CACNA1C: variants seen among roughly 807,000 people sequenced by gnomAD.
CACNA1C encodes the protein calcium voltage-gated channel subunit alpha1 C, also known as voltage-dependent L-type calcium channel subunit alpha-1C.
Under a neutral mutation model 229.0 loss-of-function variants are expected in CACNA1C, and 30 were observed. That is an observed-to-expected ratio of 0.13 (90% CI 0.10 to 0.18). CACNA1C has a LOEUF of 0.18. Among genes scored for constraint, CACNA1C ranks in the 10% least tolerant of loss-of-function variants. The probability of loss-of-function intolerance (pLI) is 1.00; values close to 1 mark genes in which losing one functional copy is unlikely to be tolerated. For missense variants in CACNA1C, 1,658 were observed against 2,845.0 expected, an observed-to-expected ratio of 0.58 and a Z score of 9.49; for synonymous variants, 1,114 against 1,132.5, an observed-to-expected ratio of 0.98 and a Z score of 0.33.
At chr12:2,111,363 C>T (rs929040408) in intron 1 of CACNA1C, among the ~76,000 whole-genome samples, 15 of 152,144 alleles carry the variant, frequency 9.9e-5, no homozygotes, top group African/African-American at 2.4e-4. Context: ...CCTCGTGCTC[C>T]GGGTGCAGGG....
chr12:2,352,803 C>T (rs932048637), intron 3 of CACNA1C, among the ~76,000 whole-genome samples: 1 of 152,170 alleles, frequency 6.6e-6, no homozygotes, highest in African/African-American at 2.4e-5. Context: ...CCTGACCTAC[C>T]TCTTTGTTGT....
rs768799068 is a variant in CACNA1C at position 2,677,171 on chromosome 12, G to T, written c.4906G>T (p.Glu1636Ter). ...CTTCCGGAAGTTCAAGAAGCGCAAA[G>T]AGCAGGGCCTTGTGGGCAAGCCCTC... ...EYFRKFKKRK[E>*]QGLVGKPSQR... is the part of the protein sequence containing the mutation. Residue 1636 changes from glutamate (E) to a stop codon, truncating the protein, a stop_gained, in exon 40 of 47, where the codon GAG becomes TAG. Coordinates refer to ENST00000399655, the MANE Select transcript of CACNA1C (RefSeq NM_000719.7). LOFTEE classifies it high-confidence loss of function. The surrounding 1 kb of genome is among the most constrained non-coding windows in gnomAD (Gnocchi z 7.4). 1 of 1,613,892 alleles carries T rather than the reference G, an allele frequency of 6.2e-7. No homozygotes were observed. The highest frequency in any genetic ancestry group is 1.1e-5 in the South Asian group (1 of 91,004).
chr12:2,450,553 C>CA (rs796416420), intron 4 of CACNA1C, among the ~76,000 whole-genome samples: 18,266 of 38,858 alleles, frequency 0.47, 6,377 homozygotes, highest in East Asian at 0.67. Context: ...GACTCCATCT[C>CA]AAAAAAAAAA....
At chr12:2,065,107 A>G (rs1198887993) in intron 1 of CACNA1C, among the ~76,000 whole-genome samples, 5 of 152,186 alleles carry the variant, frequency 3.3e-5, no homozygotes, top group Non-Finnish European at 7.3e-5. Context: ...CAGAGCTGGA[A>G]TGTTGCACAG....
intron 4 of CACNA1C, among the ~76,000 whole-genome samples, chr12:2,454,925 A>G (rs2099407625): frequency 6.6e-6 from 1 of 152,110 alleles, no homozygotes; most frequent in African/African-American, 2.4e-5. Flanking sequence ...GCGCCTTCTC[A>G]CTGAACCACG....
At chr12:2,606,372 G>A (rs1289161880) in intron 24 of CACNA1C, among the ~76,000 whole-genome samples, 1 of 151,950 alleles carries the variant, frequency 6.6e-6, no homozygotes, top group Non-Finnish European at 1.5e-5. Context: ...GACCTCCCCG[G>A]AGAGTACAGC....
At chr12:2,507,660 G>A (rs2099774724) in intron 8 of CACNA1C, among the ~76,000 whole-genome samples, 1 of 152,226 alleles carries the variant, frequency 6.6e-6, no homozygotes, top group Non-Finnish European at 1.5e-5. Flanking sequence ...TGCTCGGCGT[G>A]TTCGCTAGAT....
At chr12:2,607,229 C>T in intron 26 of CACNA1C, 99 bp downstream of exon 26, 1 of 1,278,464 alleles carries the variant, frequency 7.8e-7, no homozygotes, top group Non-Finnish European at 1.1e-6. Flanking sequence ...CGCACTCCCT[C>T]TGGAGGTCAT....
At chr12:2,461,871 A>G (rs2099506771) in intron 5 of CACNA1C, among the ~76,000 whole-genome samples, 1 of 152,162 alleles carries the variant, frequency 6.6e-6, no homozygotes, top group Non-Finnish European at 1.5e-5. Context: ...TGATGGCGAC[A>G]GCCTCCTGCA....
intron 13 of CACNA1C, among the ~76,000 whole-genome samples, chr12:2,570,625 G>GA (rs2053844705): frequency 6.6e-6 from 1 of 152,102 alleles, no homozygotes; most frequent in Admixed American, 6.5e-5. Context: ...GGAAAAAATC[G>GA]AAAAATAAGG....
In CACNA1C at chr12:2,682,556, C is replaced by T. The variant is rs113239186; in HGVS notation, c.5451C>T (p.His1817=). 1,113 of 1,612,158 alleles carry T rather than the reference C, an allele frequency of 6.9e-4. 1 individual carries two copies. Among genetic ancestry groups the T allele is most frequent in the Middle Eastern group, 3.1e-3 (19 of 6,058 alleles). The change falls in exon 43 of 47, where the codon CAC becomes CAT. Residue 1817 remains histidine (H), a synonymous_variant. Transcript: ENST00000399655. ...TTCATCTTGGATATTGTAGGTGCCA[C>T]TCCCGGGAGAGCCAGGCAGCCATGG... The part of the protein sequence containing the change: ...VAWKLSSNRC[H]SRESQAAMAG...
At chr12:2,520,084 G>A (rs1030775822) in intron 9 of CACNA1C, among the ~76,000 whole-genome samples, 1 of 152,236 alleles carries the variant, frequency 6.6e-6, no homozygotes, top group Non-Finnish European at 1.5e-5. Flanking sequence ...AGCCATGACA[G>A]TCTTCTCATT....
intron 29 of CACNA1C, among the ~76,000 whole-genome samples, chr12:2,625,994 G>A (rs2086255132): frequency 6.6e-6 from 1 of 152,176 alleles, no homozygotes; most frequent in South Asian, 2.1e-4. Flanking sequence ...ACAAGGGCAA[G>A]TACTCTGGTT....
At chr12:2,297,758 C>T (rs1438920336) in intron 3 of CACNA1C, among the ~76,000 whole-genome samples, 1 of 152,144 alleles carries the variant, frequency 6.6e-6, no homozygotes, top group Non-Finnish European at 1.5e-5. Context: ...TCTCCATACT[C>T]TGTGCATATA....
At chr12:2,003,174 T>C (rs2042583804) in intron 1 of CACNA1C, among the ~76,000 whole-genome samples, 1 of 152,178 alleles carries the variant, frequency 6.6e-6, no homozygotes, top group African/African-American at 2.4e-5. Flanking sequence ...ATGTTAATGA[T>C]TTTCAGGTGA....
intron 3 of CACNA1C, among the ~76,000 whole-genome samples, chr12:2,362,863 G>T (rs2097595865): frequency 6.6e-6 from 1 of 152,198 alleles, no homozygotes; most frequent in South Asian, 2.1e-4. Context: ...GGACAGCTGT[G>T]CCAGGCAGAC....
intron 3 of CACNA1C, among the ~76,000 whole-genome samples, chr12:2,172,552 A>G (rs16929152): frequency 0.01 from 1,570 of 152,370 alleles, 37 homozygotes; most frequent in Admixed American, 0.062. Flanking sequence ...TAATATGTCC[A>G]AATATCCTAC....
intron 1 of CACNA1C, among the ~76,000 whole-genome samples, chr12:2,044,744 C>T (rs571802975): frequency 6.6e-6 from 1 of 152,190 alleles, no homozygotes; most frequent in African/African-American, 2.4e-5. Flanking sequence ...AACAAATATC[C>T]CTTTTTGTCT....
chr12:2,319,795 G>A lies in CACNA1C; in HGVS notation c.478-129181G>A, dbSNP rs980095688. Among the ~76,000 whole-genome samples the A allele has an allele frequency of 5.9e-5, 9 of 152,082 alleles. 1 individual carries two copies. The highest frequency in any genetic ancestry group is 5.9e-4 in the Admixed American group (9 of 15,270). On this transcript the variant is annotated intron_variant, in intron 3 of 46. Coordinates refer to ENST00000399655, the MANE Select transcript of CACNA1C (RefSeq NM_000719.7). This position sits in a 1 kb window ranked among gnomAD's most constrained non-coding sequence, Gnocchi z 4.0. ...AGACAGCAGAGCACTAGATGGGAAG[G>A]GGCTGGACCCTGAAAGAGCCTGCCA...
Sources: gnomAD v4.1 joint callset for allele counts (sites outside exome capture counted in the v4.1 genomes callset) on GRCh38, gnomAD v4.1.1 for gene constraint, Gnocchi (gnomAD v3.1) non-coding constraint, MANE v1.5 for transcripts, NCBI Gene and HGNC (gene_info 2026-07-23, HGNC 2026-07-21) for gene names.